Variants in SH3YL1 observed in about 807,000 individuals in gnomAD.
SH3YL1 encodes the protein SH3 and SYLF domain containing 1.
In SH3YL1, 41 loss-of-function variants were observed where a neutral mutation model predicts 45.8. That is an observed-to-expected ratio of 0.89 (90% CI 0.70 to 1.16). The LOEUF is 1.16. Among genes scored for constraint, SH3YL1 ranks in the 50% most tolerant of loss-of-function variants. The probability of loss-of-function intolerance (pLI) is 0.00; values close to 1 mark genes in which losing one functional copy is unlikely to be tolerated. For missense variants in SH3YL1, 389 were observed against 409.6 expected (o/e 0.95, Z 0.43); for synonymous variants, 152 against 151.4 (o/e 1.00, Z -0.03).
rs1253864567 is a variant in SH3YL1, at chr2:253,039, T to C, written c.78A>G (p.Ile26Met). The change falls in exon 2 of 10, where the codon ATA becomes ATG. Residue 26 changes from isoleucine (I) to methionine (M), a missense_variant. Ile to Met is a conservative substitution (Grantham distance 10, BLOSUM62 1). Transcript: ENST00000356150. The stretch of plus-strand genomic sequence containing the variant: ...TCTTATCAGGTCCATTTCTGGAAGT[T>C]ATTTCTGTGAATTCTCTTAATATTT... ...AAKILREFTE[I>M]TSRNGPDKII... 1.7e-5 allele frequency: 27 copies of C among 1,549,668 alleles called. No homozygotes were observed. Among genetic ancestry groups the C allele is most frequent in the Non-Finnish European group, 2.4e-5 (27 of 1,145,332 alleles).
intron 4 of SH3YL1, chr2:243,648 A>G (rs1372643180): frequency 2.8e-6 from 4 of 1,431,890 alleles, no homozygotes; most frequent in Middle Eastern, 1.8e-4. Flanking sequence ...ACTTTAAGCA[A>G]CAGCCTTGCT....
chr2:264,739 T>G (rs1238264607), upstream of SH3YL1: 1 of 497,884 alleles, frequency 2.0e-6, no homozygotes. Context: ...GGCGGCCCAG[T>G]CCCTGCAGGT....
intron 2 of SH3YL1, among the ~76,000 whole-genome samples, chr2:252,066 C>G (rs915654183): frequency 2.0e-5 from 3 of 152,122 alleles, no homozygotes; most frequent in Non-Finnish European, 4.4e-5. Context: ...AAAGGCTCCC[C>G]TCTGGACTGA....
At position 218,604 on chromosome 2, in the gene SH3YL1, G is replaced by A; in HGVS notation, c.*207C>T. The A allele has an allele frequency of 1.9e-6, 1 of 521,380 alleles. No individual in the cohort carries two copies. Among genetic ancestry groups the A allele is most frequent in the Non-Finnish European group, 3.3e-6 (1 of 298,804 alleles). 32.3% of individuals were successfully genotyped at this position (521,380 alleles called of 1,614,324 possible). On this transcript the variant is annotated 3_prime_UTR_variant, in exon 10 of 10. Coordinates refer to ENST00000356150, the MANE Select transcript of SH3YL1 (RefSeq NM_015677.4). Reference sequence around the variant, plus strand: ...AAACTGTATGATATTCTATGACACAGTAAGTGTGATAAAGTTAGTACAAAG... The same window carrying A: ...AAACTGTATGATATTCTATGACACAATAAGTGTGATAAAGTTAGTACAAAG...
intron 2 of SH3YL1, among the ~76,000 whole-genome samples, chr2:250,887 C>A (rs1669044173): frequency 6.6e-6 from 1 of 152,158 alleles, no homozygotes; most frequent in African/African-American, 2.4e-5. Flanking sequence ...GGATGGCTGT[C>A]TACTAAGTGT....
In SH3YL1 at chr2:231,124, C is replaced by T. The variant is rs372248085; in HGVS notation, c.601G>A (p.Glu201Lys). 83 of 1,613,892 alleles carry T rather than the reference C, an allele frequency of 5.1e-5. No homozygotes were observed. The African/African-American group carries it at 5.2e-4, about 10-fold the overall frequency. The change falls in exon 7 of 10, where the codon GAA becomes AAA. Residue 201 changes from glutamate to lysine, a missense_variant. Physicochemically the swap from Glu to Lys is moderately conservative, Grantham distance 56. Transcript: ENST00000356150. ...GAATCAAGAATTTCATAAAGATCTT[C>T]GGCTTGAGCAGGCCGCGGTGTATCT... is the stretch of plus-strand genomic sequence containing the variant. ...FGDTPRPAQA[E>K]DLYEILDSFT...
At chr2:243,577 A>C in intron 4 of SH3YL1, 1 of 1,522,746 alleles carries the variant, frequency 6.6e-7, no homozygotes, top group Non-Finnish European at 8.8e-7. Flanking sequence ...TAAAAAAAAA[A>C]CAGACCTCGA....
At chr2:230,997 G>T in intron 7 of SH3YL1, 26 bp downstream of exon 7, 1 of 1,610,006 alleles carries the variant, frequency 6.2e-7, no homozygotes, top group South Asian at 1.1e-5. Flanking sequence ...TGAGAATACT[G>T]AGTGAAACAT....
intron 1 of SH3YL1, chr2:260,521 C>G (rs1357305406): frequency 6.6e-6 from 1 of 152,128 alleles, no homozygotes. Context: ...ATAACTTTTT[C>G]CAAGGCACTT....
At chr2:253,478 C>G (rs758804193) in intron 1 of SH3YL1, among the ~76,000 whole-genome samples, 1 of 152,158 alleles carries the variant, frequency 6.6e-6, no homozygotes, top group African/African-American at 2.4e-5. Context: ...CGTTAGCTGC[C>G]AAAAGACACT....
At chr2:255,258 C>A (rs1669265119) in intron 1 of SH3YL1, among the ~76,000 whole-genome samples, 1 of 152,132 alleles carries the variant, frequency 6.6e-6, no homozygotes, top group Admixed American at 6.5e-5. Flanking sequence ...ATATAAATAT[C>A]TCCAATAAAA....
intron 9 of SH3YL1, chr2:222,671 GTC>G (rs1453194450): frequency 6.6e-6 from 1 of 152,152 alleles, no homozygotes; most frequent in Non-Finnish European, 1.5e-5. Context: ...TGCAAGCCTT[GTC>G]TCTCTCAGAG....
rs752576543 is a variant in SH3YL1 at position 242,849 on chromosome 2, C to A, written c.291+4689G>T. Reference sequence around the variant, plus strand: ...GAAAGATGTGTCATGCAGATGGCAACCTAAGAAAGCTGGAGTGGCACTCTT... The same window carrying A: ...GAAAGATGTGTCATGCAGATGGCAAACTAAGAAAGCTGGAGTGGCACTCTT... On this transcript the variant is annotated intron_variant, in intron 4 of 9. Coordinates refer to ENST00000356150, the MANE Select transcript of SH3YL1 (RefSeq NM_015677.4). 1.8e-5 allele frequency: 27 copies of A among 1,511,830 alleles called. 1 individual carries two copies. The South Asian group carries it at 3.0e-4, about 17-fold the overall frequency. 93.7% of individuals were successfully genotyped at this position (1,511,830 alleles called of 1,614,324 possible).
intron 9 of SH3YL1, among the ~76,000 whole-genome samples, chr2:219,560 C>T (rs1260838206): frequency 1.3e-5 from 2 of 152,090 alleles, no homozygotes; most frequent in African/African-American, 4.8e-5. Flanking sequence ...AATCCAGCCT[C>T]CAGAAGCGTG....
chr2:244,595 A>G (rs1456525166), intron 4 of SH3YL1: 1 of 152,226 alleles, frequency 6.6e-6, no homozygotes. Context: ...GCAGATAGTT[A>G]AATTATTCAA....
At chr2:260,132 G>A (rs1002369135) in intron 1 of SH3YL1, 1 of 152,070 alleles carries the variant, frequency 6.6e-6, no homozygotes, top group Admixed American at 6.6e-5. Flanking sequence ...GATTCCTATT[G>A]CGAAACATGT....
At chr2:228,517 T>C (rs142162143) in intron 8 of SH3YL1, among the ~76,000 whole-genome samples, 3 of 152,326 alleles carry the variant, frequency 2.0e-5, no homozygotes, top group East Asian at 1.9e-4. Context: ...TACATGCATA[T>C]GCAGGTATCC....
chr2:262,721 T>C (rs1669636106), intron 1 of SH3YL1: 1 of 1,287,430 alleles, frequency 7.8e-7, no homozygotes, highest in South Asian at 1.3e-5. Flanking sequence ...CAACTTCCTA[T>C]GTTTGTGTTG....
intron 8 of SH3YL1, among the ~76,000 whole-genome samples, chr2:227,323 C>CA (rs964609983): frequency 2.0e-5 from 3 of 150,498 alleles, no homozygotes; most frequent in South Asian, 2.1e-4. Context: ...GTAACTATCT[C>CA]AAAAAAAATA....
Sources: allele counts gnomAD v4.1 joint callset (sites outside exome capture counted in the v4.1 genomes callset), GRCh38; gene constraint gnomAD v4.1.1; transcripts MANE v1.5; gene names NCBI Gene and HGNC (gene_info 2026-07-23, HGNC 2026-07-21).